EPHA6: variants seen among roughly 807,000 people sequenced by gnomAD.
The protein encoded by EPHA6 is EPH receptor A6.
EPHA6 carries 50 observed loss-of-function variants against 112.0 expected under a neutral mutation model. The ratio of observed to expected loss-of-function variants is 0.45; its 90% CI spans 0.36 to 0.56. EPHA6 has a LOEUF of 0.56. Ranked by LOEUF, EPHA6 falls within the 20% of genes least tolerant of loss-of-function variation. The probability of loss-of-function intolerance (pLI) is 0.00; values close to 1 mark genes in which losing one functional copy is unlikely to be tolerated. For missense variants in EPHA6, 1,280 were observed against 1,417.4 expected, an observed-to-expected ratio of 0.90 and a Z score of 1.56; for synonymous variants, 529 against 490.7, an observed-to-expected ratio of 1.08 and a Z score of -1.03.
At chr3:97,733,628 T>C (rs1475407513) in intron 15 of EPHA6, among the ~76,000 whole-genome samples, 2 of 152,000 alleles carry the variant, frequency 1.3e-5, no homozygotes, top group African/African-American at 2.4e-5. Flanking sequence ...CTTTCAGGTA[T>C]GTACAGCCTT....
At chr3:97,273,741 A>T (rs1015597471) in intron 5 of EPHA6, among the ~76,000 whole-genome samples, 5 of 152,204 alleles carry the variant, frequency 3.3e-5, no homozygotes, top group Non-Finnish European at 5.9e-5. Context: ...TGACTAATAA[A>T]GGCTGGTCTG....
intron 6 of EPHA6, among the ~76,000 whole-genome samples, chr3:97,421,616 C>A (rs912789327): frequency 1.3e-5 from 2 of 152,098 alleles, no homozygotes; most frequent in African/African-American, 2.4e-5. Context: ...TTGTGGAAAT[C>A]AAAAAACTGA....
intron 3 of EPHA6, among the ~76,000 whole-genome samples, chr3:97,031,100 A>G (rs2044818445): frequency 6.6e-6 from 1 of 152,112 alleles, no homozygotes; most frequent in Admixed American, 6.6e-5. Flanking sequence ...AAACAGAGAT[A>G]TAGGCCAATG....
At chr3:97,468,122 G>A (rs1211237229) in intron 7 of EPHA6, among the ~76,000 whole-genome samples, 4 of 148,140 alleles carry the variant, frequency 2.7e-5, no homozygotes, top group African/African-American at 7.6e-5. Context: ...AGAAGGCACA[G>A]CTATGAAATC....
rs2035911670 is a variant in EPHA6 at position 97,751,925 on chromosome 3, T to A, written c.*3224T>A. On this transcript the variant is annotated 3_prime_UTR_variant, in exon 18 of 18. Coordinates refer to ENST00000389672, the MANE Select transcript of EPHA6 (RefSeq NM_001080448.3). Reference sequence around the variant, plus strand: ...AATTTTGTCTATGGTGAACTCATTATCTCATAGTAGAAGGCATATTTGGAA... The same window carrying A: ...AATTTTGTCTATGGTGAACTCATTAACTCATAGTAGAAGGCATATTTGGAA... Among the ~76,000 whole-genome samples, 1 of 152,158 alleles carries A rather than the reference T, an allele frequency of 6.6e-6. No individual in the cohort carries two copies. Among genetic ancestry groups the A allele is most frequent in the South Asian group, 2.1e-4 (1 of 4,834 alleles).
chr3:97,704,526 C>A (rs935835547), intron 14 of EPHA6, among the ~76,000 whole-genome samples: 1 of 152,138 alleles, frequency 6.6e-6, no homozygotes, highest in African/African-American at 2.4e-5. Flanking sequence ...GACTTCTAGG[C>A]CTCCATAATT....
intron 2 of EPHA6, among the ~76,000 whole-genome samples, chr3:96,977,848 G>A (rs2042594798): frequency 6.6e-6 from 1 of 152,236 alleles, no homozygotes; most frequent in African/African-American, 2.4e-5. Context: ...AGTAAAGTAA[G>A]CTAGAGAAAA....
chr3:96,903,491 T>G (rs1006399429), intron 2 of EPHA6, among the ~76,000 whole-genome samples: 6 of 152,142 alleles, frequency 3.9e-5, no homozygotes, highest in Non-Finnish European at 8.8e-5. Context: ...TGTCAGAAGA[T>G]TATTTGTATT....
chr3:97,191,669 G>T (rs1254493839), intron 3 of EPHA6, among the ~76,000 whole-genome samples: 1 of 152,092 alleles, frequency 6.6e-6, no homozygotes, highest in Non-Finnish European at 1.5e-5. Flanking sequence ...TTTCACGGCT[G>T]ACTAGTATTC....
At chr3:97,607,039 G>A (rs2093685074) in intron 12 of EPHA6, among the ~76,000 whole-genome samples, 1 of 150,936 alleles carries the variant, frequency 6.6e-6, no homozygotes, top group African/African-American at 2.4e-5. Context: ...AGGTTGTTGA[G>A]ATTTGTTTTG....
At chr3:97,591,612 G>A (rs555784412) in intron 11 of EPHA6, among the ~76,000 whole-genome samples, 123 of 152,006 alleles carry the variant, frequency 8.1e-4, no homozygotes, top group Non-Finnish European at 9.9e-4. Flanking sequence ...TTGATTGGCC[G>A]TATCAGTTAC....
At chr3:96,848,222 T>A (rs1297091423) in intron 1 of EPHA6, among the ~76,000 whole-genome samples, 1 of 152,080 alleles carries the variant, frequency 6.6e-6, no homozygotes, top group East Asian at 1.9e-4. Flanking sequence ...ATAACAACCC[T>A]AGACTAAGTT....
At position 97,245,565 on chromosome 3, in the gene EPHA6, C is replaced by G. The variant is rs114434961; in HGVS notation, c.1606+1278C>G. On this transcript the variant is annotated intron_variant, in intron 5 of 17. Transcript: ENST00000389672. Reference sequence around the variant, plus strand: ...TTGATTTGAATGTGTTGTGATAATACTCAGCAATAAAAATGAACAAAGTGG... The same window carrying G: ...TTGATTTGAATGTGTTGTGATAATAGTCAGCAATAAAAATGAACAAAGTGG... Among the ~76,000 whole-genome samples, 1,423 of 151,968 alleles carry G rather than the reference C, an allele frequency of 9.4e-3. 18 individuals carry two copies. The highest frequency in any genetic ancestry group is 0.032 in the African/African-American group (1,340 of 41,460).
intron 3 of EPHA6, among the ~76,000 whole-genome samples, chr3:97,217,940 T>G (rs2078077822): frequency 6.6e-6 from 1 of 152,090 alleles, no homozygotes; most frequent in Admixed American, 6.6e-5. Flanking sequence ...GAAGTCTGAG[T>G]CAAAAATCTA....
At chr3:97,617,201 A>G (rs2093774101) in intron 13 of EPHA6, among the ~76,000 whole-genome samples, 1 of 152,154 alleles carries the variant, frequency 6.6e-6, no homozygotes, top group African/African-American at 2.4e-5. Context: ...AAAGGGAAAT[A>G]AGGTCCTTTT....
intron 16 of EPHA6, among the ~76,000 whole-genome samples, chr3:97,746,432 T>A (rs1308085261): frequency 6.6e-6 from 1 of 151,778 alleles, no homozygotes; most frequent in Admixed American, 6.6e-5. Flanking sequence ...TTTTAATGTG[T>A]ATTTTTATGT....
At chr3:97,740,394 T>C (rs1253799180) in intron 16 of EPHA6, among the ~76,000 whole-genome samples, 1 of 152,152 alleles carries the variant, frequency 6.6e-6, no homozygotes, top group African/African-American at 2.4e-5. Context: ...TCAGCTCAAA[T>C]GTGGCATCCC....
intron 6 of EPHA6, among the ~76,000 whole-genome samples, chr3:97,414,468 A>G (rs2087967254): frequency 6.6e-6 from 1 of 152,172 alleles, no homozygotes; most frequent in South Asian, 2.1e-4. Context: ...AGAAAAAATA[A>G]TTACTACAAA....
rs780349176 is a variant in EPHA6, at chr3:97,748,915, G to A, written c.*214G>A. The stretch of plus-strand genomic sequence containing the variant: ...TGAATAACCTGCAACTAAAACCCTG[G>A]CCCACTGCAGATTATTGCTACGCAA... On this transcript the variant is annotated 3_prime_UTR_variant, in exon 18 of 18. Transcript: ENST00000389672. The A allele has an allele frequency of 3.8e-6, 2 of 530,464 alleles. No individual in the cohort carries two copies. Among genetic ancestry groups the A allele is most frequent in the Middle Eastern group, 5.1e-4 (1 of 1,968 alleles). 32.9% of individuals were successfully genotyped at this position (530,464 alleles called of 1,614,324 possible).
Sources: gnomAD v4.1 joint callset for allele counts (sites outside exome capture counted in the v4.1 genomes callset) on GRCh38, gnomAD v4.1.1 for gene constraint, MANE v1.5 for transcripts, NCBI Gene and HGNC (gene_info 2026-07-23, HGNC 2026-07-21) for gene names.